Variants in CLEC4C observed in about 807,000 individuals in gnomAD.
CLEC4C encodes the protein C-type (calcium dependent, carbohydrate-recognition domain) lectin, superfamily member 11.
CLEC4C carries 17 observed loss-of-function variants against 27.7 expected under a neutral mutation model. That is an observed-to-expected ratio of 0.61 (90% CI 0.42 to 0.92). The LOEUF (loss-of-function observed/expected upper bound fraction) is 0.92. CLEC4C is among the 40% of genes least tolerant of loss of function. The pLI is 0.00. For missense variants in CLEC4C, 244 were observed against 257.3 expected (o/e 0.95, Z 0.35); for synonymous variants, 80 against 80.8 (o/e 0.99, Z 0.06).
intron 4 of CLEC4C, among the ~76,000 whole-genome samples, chr12:7,733,056 G>A (rs7964329): frequency 0.22 from 33,770 of 151,842 alleles, 4,523 homozygotes; most frequent in Admixed American, 0.32. Context: ...GTTACTTCAC[G>A]TAAATTTTAC....
chr12:7,729,508 C>A lies in CLEC4C; in HGVS notation c.*88G>T. On this transcript the variant is annotated 3_prime_UTR_variant, in exon 6 of 6. Transcript: ENST00000360345. ...AAACATTTTAGGGGCATTCCTTGTA[C>A]AAAACTTACACATAAATTAAAAAAT... 2 of 1,295,244 alleles carry A rather than the reference C, an allele frequency of 1.5e-6. No homozygotes were observed. Among genetic ancestry groups the A allele is most frequent in the South Asian group, 1.3e-5 (1 of 74,124 alleles). The allele number at this position is 1,295,244 out of a possible 1,614,324, so 80.2% of individuals were successfully genotyped here.
chr12:7,742,510 C>CG (rs1282054029), intron 2 of CLEC4C, among the ~76,000 whole-genome samples: 74 of 76,974 alleles, frequency 9.6e-4, no homozygotes, highest in African/African-American at 2.8e-3. Flanking sequence ...GACTTTGTCT[C>CG]GAAAAAAAAA....
At chr12:7,748,637 G>A (rs990715026), upstream of CLEC4C, among the ~76,000 whole-genome samples, 1 of 152,034 alleles carries the variant, frequency 6.6e-6, no homozygotes, top group Non-Finnish European at 1.5e-5. Context: ...AGTCCTGTTT[G>A]GTCTCTTGTC....
rs780594404 is a variant in CLEC4C at position 7,747,322 on chromosome 12, G to A, written c.27C>T (p.Asp9=). The part of the protein sequence containing the change: MVPEEEPQ[D]REKGLWWFQL... ...ACTGAGAAGATGAGTGCTTACCTCG[G>A]TCTTGAGGCTCTTCTTCAGGCACCA... Residue 9 remains aspartate, a synonymous_variant, in exon 1 of 6, where the codon GAC becomes GAT. Transcript: ENST00000360345. 1 of 1,613,974 alleles carries A rather than the reference G, an allele frequency of 6.2e-7. No homozygotes were observed. The highest frequency in any genetic ancestry group is 8.5e-7 in the Non-Finnish European group (1 of 1,179,976).
At position 7,737,532 on chromosome 12, in the gene CLEC4C, C is replaced by G; in HGVS notation, c.278G>C (p.Ser93Thr). 2 of 1,613,950 alleles carry G rather than the reference C, an allele frequency of 1.2e-6. No individual in the cohort carries two copies. Among genetic ancestry groups the G allele is most frequent in the Non-Finnish European group, 1.7e-6 (2 of 1,179,950 alleles). ...CATCCCAGTAGAAATAAAGTAGCAA[C>G]TAGACTGAAATGAAGTCCAAGGGGT... ...CPTPWTSFQSSCYFISTGMQS... is the reference protein window; with the variant it reads ...CPTPWTSFQSTCYFISTGMQS... The change falls in exon 4 of 6, where the codon AGT becomes ACT. Residue 93 changes from serine to threonine, a missense_variant. Physicochemically the swap from Ser to Thr is moderately conservative, Grantham distance 58 (BLOSUM62 1). Coordinates refer to ENST00000360345, the MANE Select transcript of CLEC4C (RefSeq NM_001371390.1).
chr12:7,744,117 C>A (rs1411572241), intron 2 of CLEC4C, among the ~76,000 whole-genome samples: 1 of 152,164 alleles, frequency 6.6e-6, no homozygotes, highest in African/African-American at 2.4e-5. Flanking sequence ...TCACTCAAAA[C>A]CTCCTGCCAT....
chr12:7,737,529 C>G lies in CLEC4C; in HGVS notation c.281G>C (p.Cys94Ser). The change falls in exon 4 of 6, where the codon TGC (cysteine) becomes TCC (serine). Residue 94 changes from cysteine to serine, a missense_variant. By Grantham distance (112) the Cys-to-Ser change is moderately radical (BLOSUM62 -1). Coordinates refer to ENST00000360345, the MANE Select transcript of CLEC4C (RefSeq NM_001371390.1). ...PTPWTSFQSS[C>S]YFISTGMQSW... ...TTGCATCCCAGTAGAAATAAAGTAG[C>G]AACTAGACTGAAATGAAGTCCAAGG... 11 of 1,613,880 alleles carry G rather than the reference C, an allele frequency of 6.8e-6. No individual in the cohort carries two copies. Among genetic ancestry groups the G allele is most frequent in the Non-Finnish European group, 9.3e-6 (11 of 1,179,934 alleles).
At chr12:7,741,032 GGGTTTC>G in intron 3 of CLEC4C, among the ~76,000 whole-genome samples, 1 of 152,068 alleles carries the variant, frequency 6.6e-6, no homozygotes, top group Non-Finnish European at 1.5e-5. Flanking sequence ...AGTAGGGACA[GGGTTTC>G]ACCGTGGTCT....
Position 7,738,183 on chromosome 12 carries a change from C to G in CLEC4C, c.236-609G>C, listed in dbSNP as rs7302153. On this transcript the variant is annotated intron_variant, in intron 3 of 5. Coordinates refer to ENST00000360345, the MANE Select transcript of CLEC4C (RefSeq NM_001371390.1). ...AGAATGAGTCCAGAGTAAGACATAT[C>G]TGGGTTGCAACCTCATTTTCTGTGC... Among the ~76,000 whole-genome samples, 716 of 152,270 alleles carry G rather than the reference C, an allele frequency of 4.7e-3. 4 individuals are homozygous for G. Among genetic ancestry groups the G allele is most frequent in the African/African-American group, 0.016 (679 of 41,558 alleles).
At chr12:7,745,240 TAAG>T (rs1280774890) in intron 2 of CLEC4C, among the ~76,000 whole-genome samples, 4 of 151,838 alleles carry the variant, frequency 2.6e-5, no homozygotes, top group Non-Finnish European at 4.4e-5. Flanking sequence ...AATGCTCTTA[TAAG>T]AAGAAACCGT....
At chr12:7,732,316 CATG>C (rs1432255353) in intron 4 of CLEC4C, among the ~76,000 whole-genome samples, 1 of 151,646 alleles carries the variant, frequency 6.6e-6, no homozygotes, top group Non-Finnish European at 1.5e-5. Context: ...AGGCGTGAGC[CATG>C]ATGTCCAGCC....
At chr12:7,736,816 T>C (rs984523620) in intron 4 of CLEC4C, among the ~76,000 whole-genome samples, 1 of 151,764 alleles carries the variant, frequency 6.6e-6, no homozygotes, top group Non-Finnish European at 1.5e-5. Flanking sequence ...GGCAGGAGAA[T>C]GGTGTGAACC....
chr12:7,741,581 G>A (rs749085013), intron 2 of CLEC4C, 50 bp from the exon 3 acceptor site: 2 of 1,011,666 alleles, frequency 2.0e-6, no homozygotes, highest in Non-Finnish European at 1.6e-6. Flanking sequence ...GTGGATCTAT[G>A]TTGTACTATA....
In CLEC4C at chr12:7,729,573, C is replaced by G. The variant is rs1421879828; in HGVS notation, c.*23G>C. 1.2e-6 allele frequency: 2 copies of G among 1,608,018 alleles called. No homozygotes were observed. Among genetic ancestry groups the G allele is most frequent in the African/African-American group, 1.3e-5 (1 of 74,806 alleles). On this transcript the variant is annotated 3_prime_UTR_variant, in exon 6 of 6. Coordinates refer to ENST00000360345, the MANE Select transcript of CLEC4C (RefSeq NM_001371390.1). ...ACAACGGTGGATGCCAACCCAAACACATTTCCAGGGAGAATATTTCATTTA... is the reference window on the plus strand; with the variant it reads ...ACAACGGTGGATGCCAACCCAAACAGATTTCCAGGGAGAATATTTCATTTA...
chr12:7,743,544 C>A (rs775588396), intron 2 of CLEC4C, among the ~76,000 whole-genome samples: 11 of 148,502 alleles, frequency 7.4e-5, no homozygotes, highest in African/African-American at 2.7e-4. Context: ...GCCACCGCGC[C>A]CGGCTAATTT....
intron 4 of CLEC4C, among the ~76,000 whole-genome samples, chr12:7,734,466 ATAATGTACTG>A (rs1314212337): frequency 6.6e-6 from 1 of 152,162 alleles, no homozygotes; most frequent in African/African-American, 2.4e-5. Flanking sequence ...TGAAATTGCC[ATAATGTACTG>A]TAGGACTTGT....
At chr12:7,746,261 C>G in intron 2 of CLEC4C, 70 bp downstream of exon 2, 1 of 820,658 alleles carries the variant, frequency 1.2e-6, no homozygotes, top group Non-Finnish European at 2.0e-6. Flanking sequence ...GAACGTGTTT[C>G]TTCAGGAAAT....
chr12:7,735,525 G>A (rs1441666511), intron 4 of CLEC4C, among the ~76,000 whole-genome samples: 12 of 107,674 alleles, frequency 1.1e-4, no homozygotes, highest in African/African-American at 1.9e-4. Context: ...AAAAAAAAAC[G>A]GCCAGGCACG....
intron 4 of CLEC4C, among the ~76,000 whole-genome samples, chr12:7,732,178 C>A (rs770213966): frequency 2.6e-5 from 4 of 151,790 alleles, no homozygotes; most frequent in Non-Finnish European, 4.4e-5. Flanking sequence ...AACAGGCATG[C>A]AACATCATGC....
Sources: allele counts gnomAD v4.1 joint callset (sites outside exome capture counted in the v4.1 genomes callset), GRCh38; gene constraint gnomAD v4.1.1; transcripts MANE v1.5; gene names NCBI Gene and HGNC (gene_info 2026-07-23, HGNC 2026-07-21).